SPATA16: variants seen among roughly 807,000 people sequenced by gnomAD.
The protein encoded by SPATA16 is spermatogenesis associated 16.
SPATA16 carries 36 observed loss-of-function variants against 63.3 expected under a neutral mutation model. The observed-to-expected ratio is 0.57, with a 90% CI of 0.44 to 0.75. The LOEUF is 0.75. Ranked by LOEUF, SPATA16 falls within the 30% of genes least tolerant of loss-of-function variation. SPATA16 has a pLI of 0.00. For synonymous variants in SPATA16, 203 were observed against 216.7 expected, an observed-to-expected ratio of 0.94 and a Z score of 0.56; for missense variants, 646 against 679.3, an observed-to-expected ratio of 0.95 and a Z score of 0.54.
chr3:173,095,367 CTATT>C (rs1737327335), intron 2 of SPATA16, among the ~76,000 whole-genome samples: 2 of 152,106 alleles, frequency 1.3e-5, no homozygotes, highest in Admixed American at 6.6e-5. Context: ...AATAAAAAAA[CTATT>C]AATTTTTTGT....
intron 2 of SPATA16, among the ~76,000 whole-genome samples, chr3:173,076,683 T>TC (rs1736811738): frequency 6.6e-6 from 1 of 152,090 alleles, no homozygotes; most frequent in South Asian, 2.1e-4. Flanking sequence ...AATATATTAG[T>TC]CAATATTGTG....
chr3:172,978,120 G>GCT (rs141560886), intron 4 of SPATA16, among the ~76,000 whole-genome samples: 20 of 145,554 alleles, frequency 1.4e-4, no homozygotes, highest in East Asian at 8.0e-4. Context: ...GGATTATTCA[G>GCT]CTCTCTCTCT....
chr3:172,895,383 C>T (rs749298116), intron 10 of SPATA16, among the ~76,000 whole-genome samples: 2 of 152,122 alleles, frequency 1.3e-5, no homozygotes, highest in Non-Finnish European at 2.9e-5. Context: ...TCACCCAAGG[C>T]GGAGTGCAGT....
chr3:173,058,240 G>A (rs555136559), intron 2 of SPATA16, among the ~76,000 whole-genome samples: 1 of 151,890 alleles, frequency 6.6e-6, no homozygotes, highest in South Asian at 2.1e-4. Context: ...ATTATAAGTG[G>A]CTGCATAATT....
In SPATA16 at chr3:173,118,842, G is replaced by T. The variant is rs9824032; in HGVS notation, c.-18-1093C>A. 3.0e-3 allele frequency among the ~76,000 whole-genome samples: 451 copies of T among 152,236 alleles called. 2 individuals carry two copies. Among genetic ancestry groups the T allele is most frequent in the African/African-American group, 0.01 (434 of 41,522 alleles). On this transcript the variant is annotated intron_variant, in intron 1 of 10. Coordinates refer to ENST00000351008, the MANE Select transcript of SPATA16 (RefSeq NM_031955.6). ...TTCTTTAGTATAGCTAATAGACATA[G>T]ATTAGACCACAAAGATAGGAGAAAA... is the stretch of plus-strand genomic sequence containing the variant.
intron 1 of SPATA16, among the ~76,000 whole-genome samples, chr3:173,119,473 T>C (rs981952695): frequency 1.3e-5 from 2 of 152,238 alleles, no homozygotes; most frequent in African/African-American, 2.4e-5. Context: ...TTTAAGGTCA[T>C]ACATGGACAT....
At chr3:172,928,434 C>T (rs1197827020) in intron 6 of SPATA16, among the ~76,000 whole-genome samples, 1 of 152,168 alleles carries the variant, frequency 6.6e-6, no homozygotes, top group African/African-American at 2.4e-5. Context: ...ACTAGTTTTA[C>T]TGAAGTTGCC....
At chr3:173,058,889 A>G (rs1257648696) in intron 2 of SPATA16, among the ~76,000 whole-genome samples, 1 of 152,132 alleles carries the variant, frequency 6.6e-6, no homozygotes, top group Admixed American at 6.5e-5. Context: ...ACTCTGAAAC[A>G]TTCTAAAATA....
intron 6 of SPATA16, among the ~76,000 whole-genome samples, chr3:172,940,757 C>T (rs1733125151): frequency 6.6e-6 from 1 of 152,084 alleles, no homozygotes; most frequent in African/African-American, 2.4e-5. Context: ...GAGGCTGAGG[C>T]AGGCGGATTG....
intron 6 of SPATA16, among the ~76,000 whole-genome samples, chr3:172,934,724 T>A (rs1033507003): frequency 1.5e-4 from 23 of 152,176 alleles, no homozygotes; most frequent in Non-Finnish European, 2.9e-4. Context: ...AGAAATTTCC[T>A]GTAGTTAACA....
chr3:173,113,259 A>C (rs919646895), intron 2 of SPATA16, among the ~76,000 whole-genome samples: 3 of 152,240 alleles, frequency 2.0e-5, no homozygotes, highest in African/African-American at 4.8e-5. Context: ...ATGACAATAT[A>C]AAATAATATG....
chr3:173,007,885 A>T (rs374763975), intron 4 of SPATA16, among the ~76,000 whole-genome samples: 2 of 152,208 alleles, frequency 1.3e-5, no homozygotes, highest in East Asian at 1.9e-4. Flanking sequence ...CTCAGCCTTT[A>T]CCCTTAAGCT....
intron 5 of SPATA16, among the ~76,000 whole-genome samples, chr3:172,960,893 C>CTT (rs1441747138): frequency 5.4e-5 from 8 of 147,816 alleles, no homozygotes; most frequent in Non-Finnish European, 8.9e-5. Context: ...TTCTCTCTCT[C>CTT]CTTCCTTCCT....
At chr3:172,983,250 A>C (rs1350058638) in intron 4 of SPATA16, among the ~76,000 whole-genome samples, 2 of 151,846 alleles carry the variant, frequency 1.3e-5, no homozygotes, top group Non-Finnish European at 1.5e-5. Flanking sequence ...AAATATCCTC[A>C]CAATAATTTA....
chr3:173,064,867 G>A (rs1463459703), intron 2 of SPATA16, among the ~76,000 whole-genome samples: 1 of 152,122 alleles, frequency 6.6e-6, no homozygotes, highest in Non-Finnish European at 1.5e-5. Flanking sequence ...GAAAAATCGG[G>A]ATTGATAATT....
chr3:172,961,723 A>G (rs1024315736), intron 5 of SPATA16, among the ~76,000 whole-genome samples: 1 of 152,156 alleles, frequency 6.6e-6, no homozygotes, highest in Non-Finnish European at 1.5e-5. Flanking sequence ...GACTTTAAAA[A>G]ATTCTATAGA....
At chr3:173,027,416 C>T (rs1026243812) in intron 3 of SPATA16, among the ~76,000 whole-genome samples, 1 of 151,752 alleles carries the variant, frequency 6.6e-6, no homozygotes, top group Non-Finnish European at 1.5e-5. Flanking sequence ...TTTTCTTTGC[C>T]CTATTGTACT....
intron 4 of SPATA16, among the ~76,000 whole-genome samples, chr3:172,993,551 T>C (rs1490777548): frequency 1.3e-5 from 2 of 152,152 alleles, no homozygotes; most frequent in Non-Finnish European, 2.9e-5. Context: ...GGATAGAATC[T>C]GCATTACTTT....
intron 5 of SPATA16, among the ~76,000 whole-genome samples, chr3:172,963,471 TATTTA>T (rs1171413842): frequency 3.3e-5 from 5 of 151,948 alleles, no homozygotes; most frequent in African/African-American, 1.2e-4. Flanking sequence ...AAATTTAAAG[TATTTA>T]ATTTAGTTTT....
Sources: allele counts gnomAD v4.1 joint callset (sites outside exome capture counted in the v4.1 genomes callset), GRCh38; gene constraint gnomAD v4.1.1; transcripts MANE v1.5; gene names NCBI Gene and HGNC (gene_info 2026-07-23, HGNC 2026-07-21).